Variants in SRRM3 observed in about 807,000 individuals in gnomAD.
SRRM3 encodes the protein serine/arginine repetitive matrix 3, also known as serine/arginine repetitive matrix protein 3.
A neutral mutation model predicts 66.2 loss-of-function variants in SRRM3; 27 were observed. The observed-to-expected ratio is 0.41, with a 90% CI of 0.30 to 0.56. The LOEUF is 0.56. Ranked by LOEUF, SRRM3 falls within the 20% of genes least tolerant of loss-of-function variation. The pLI is 0.32. For synonymous variants in SRRM3, 391 were observed against 414.9 expected (o/e 0.94, Z 0.70); for missense variants, 918 against 991.9 (o/e 0.93, Z 1.00).
At chr7:76,219,017 G>A (rs1800646117) in intron 1 of SRRM3, among the ~76,000 whole-genome samples, 1 of 152,080 alleles carries the variant, frequency 6.6e-6, no homozygotes, top group Admixed American at 6.6e-5. Context: ...ACCATGCCTG[G>A]CTAATTTTTG....
At chr7:76,235,614 C>G (rs1377228246) in intron 2 of SRRM3, among the ~76,000 whole-genome samples, 1 of 152,036 alleles carries the variant, frequency 6.6e-6, no homozygotes, top group Non-Finnish European at 1.5e-5. Flanking sequence ...ACCTGTGATT[C>G]CAGCACTTTG....
intron 1 of SRRM3, among the ~76,000 whole-genome samples, chr7:76,229,097 A>C (rs1418304537): frequency 6.6e-6 from 1 of 151,794 alleles, no homozygotes; most frequent in African/African-American, 2.4e-5. Flanking sequence ...ACAGGGTTTC[A>C]CCATGTTAGC....
chr7:76,241,505 C>T (rs1427472955), intron 2 of SRRM3, among the ~76,000 whole-genome samples: 10 of 152,000 alleles, frequency 6.6e-5, no homozygotes, highest in African/African-American at 2.4e-4. Flanking sequence ...TATTTATTTA[C>T]TTATTTATTT....
chr7:76,244,200 C>A (rs1801380356), intron 2 of SRRM3, among the ~76,000 whole-genome samples: 1 of 152,112 alleles, frequency 6.6e-6, no homozygotes, highest in Admixed American at 6.6e-5. Context: ...AGACTCCGAC[C>A]CTAGCTGGGG....
At chr7:76,209,598 G>A (rs1554601524) in intron 1 of SRRM3, among the ~76,000 whole-genome samples, 1 of 143,448 alleles carries the variant, frequency 7.0e-6, no homozygotes, top group South Asian at 2.3e-4. Flanking sequence ...GCCTTGAAGA[G>A]TTGGAATTTT....
intron 1 of SRRM3, among the ~76,000 whole-genome samples, chr7:76,225,877 C>A (rs905722606): frequency 1.3e-5 from 2 of 152,266 alleles, no homozygotes; most frequent in Admixed American, 6.5e-5. Context: ...GAAACTGAGA[C>A]CCAGAGAGTT....
chr7:76,219,003 A>T (rs77557470), intron 1 of SRRM3, among the ~76,000 whole-genome samples: 1 of 152,042 alleles, frequency 6.6e-6, no homozygotes. Context: ...TACAGGCACC[A>T]GCCACCATGC....
intron 11 of SRRM3, among the ~76,000 whole-genome samples, chr7:76,272,384 G>C (rs1475626963): frequency 1.3e-5 from 2 of 148,418 alleles, no homozygotes; most frequent in African/African-American, 2.4e-5. Flanking sequence ...AACATAGCAA[G>C]ACCCCTATCT....
At chr7:76,251,347 G>A (rs1554606861) in intron 3 of SRRM3, among the ~76,000 whole-genome samples, 1 of 152,022 alleles carries the variant, frequency 6.6e-6, no homozygotes, top group Admixed American at 6.5e-5. Flanking sequence ...GGCTGGGTAC[G>A]GTGGATCACA....
chr7:76,218,789 C>T (rs1800635683), intron 1 of SRRM3, among the ~76,000 whole-genome samples: 1 of 144,340 alleles, frequency 6.9e-6, no homozygotes, highest in African/African-American at 2.6e-5. Context: ...AGAGATTCTC[C>T]TGCCTCAGCT....
At chr7:76,210,888 T>C (rs542370205) in intron 1 of SRRM3, among the ~76,000 whole-genome samples, 1 of 152,150 alleles carries the variant, frequency 6.6e-6, no homozygotes, top group African/African-American at 2.4e-5. Context: ...CTGCAACCTC[T>C]GCCTCCCAGG....
chr7:76,221,206 C>T (rs954679496), intron 1 of SRRM3, among the ~76,000 whole-genome samples: 1 of 151,718 alleles, frequency 6.6e-6, no homozygotes, highest in Non-Finnish European at 1.5e-5. Context: ...CACAGGTGCC[C>T]GCCACCACAC....
chr7:76,264,745 G>T lies in SRRM3; in HGVS notation c.675-20G>T. ...ACCCTCCCCGGGCCACACCATCACT[G>T]TGGTCTCTGCTCTCTGCAGATCTCG... On this transcript the variant is annotated intron_variant, in intron 8 of 14. Coordinates refer to ENST00000611745, the MANE Select transcript of SRRM3 (RefSeq NM_001110199.3). The T allele has an allele frequency of 6.2e-7, 1 of 1,613,694 alleles. No individual in the cohort carries two copies. The highest frequency in any genetic ancestry group is 8.5e-7 in the Non-Finnish European group (1 of 1,179,790).
intron 11 of SRRM3, among the ~76,000 whole-genome samples, chr7:76,277,736 G>A (rs201255685): frequency 3.6e-4 from 7 of 19,238 alleles, no homozygotes; most frequent in African/African-American, 1.0e-3. Context: ...AAAAAAAAAA[G>A]AGAGAGAGAG....
intron 2 of SRRM3, among the ~76,000 whole-genome samples, chr7:76,241,586 C>T (rs1801297575): frequency 6.6e-6 from 1 of 152,208 alleles, no homozygotes; most frequent in Admixed American, 6.5e-5. Flanking sequence ...TCACTGCAAC[C>T]TCTGTCTCCT....
intron 12 of SRRM3, 27 bp from the exon 13 acceptor site, chr7:76,282,621 C>G: frequency 7.3e-7 from 1 of 1,377,088 alleles, no homozygotes; most frequent in Non-Finnish European, 9.4e-7. Context: ...TCGCTGAGCC[C>G]TATCCCGCGC....
intron 11 of SRRM3, 27 bp downstream of exon 11, chr7:76,267,462 T>C: frequency 7.7e-7 from 1 of 1,302,040 alleles, no homozygotes; most frequent in Non-Finnish European, 9.7e-7. Flanking sequence ...TTGCGGAGGG[T>C]TCCCGCGCCG....
intron 1 of SRRM3, among the ~76,000 whole-genome samples, chr7:76,209,604 ATT>A (rs11290590): frequency 0.014 from 1,921 of 136,686 alleles, 16 homozygotes; most frequent in African/African-American, 0.022. Context: ...AAGAGTTGGA[ATT>A]TTTTTTTTTT....
At chr7:76,272,963 G>C (rs1394408250) in intron 11 of SRRM3, 1 of 152,258 alleles carries the variant, frequency 6.6e-6, no homozygotes, top group Non-Finnish European at 1.5e-5. Flanking sequence ...CCTCCAGATC[G>C]GCTCTGTGGT....
Sources: gnomAD v4.1 joint callset for allele counts (sites outside exome capture counted in the v4.1 genomes callset) on GRCh38, gnomAD v4.1.1 for gene constraint, MANE v1.5 for transcripts, NCBI Gene and HGNC (gene_info 2026-07-23, HGNC 2026-07-21) for gene names.